Variants in SHROOM4 observed in about 807,000 individuals in gnomAD.
The protein encoded by SHROOM4 is protein Shroom4.
Under a neutral mutation model 80.3 loss-of-function variants are expected in SHROOM4, and 17 were observed. The observed-to-expected ratio is 0.21, with a 90% CI of 0.14 to 0.32. The LOEUF is 0.32. Among genes scored for constraint, SHROOM4 ranks in the 10% least tolerant of loss-of-function variants. SHROOM4 has a pLI of 1.00. For missense variants in SHROOM4, 993 were observed against 1,140.3 expected, an observed-to-expected ratio of 0.87 and a Z score of 1.86; for synonymous variants, 400 against 437.5, an observed-to-expected ratio of 0.91 and a Z score of 1.07.
intron 2 of SHROOM4, among the ~76,000 whole-genome samples, chrX:50,648,747 A>G (rs979350356): frequency 1.8e-5 from 2 of 112,145 alleles, no homozygotes; most frequent in Non-Finnish European, 3.8e-5. Context: ...AAGCACAGGA[A>G]TACCATGAAG....
Position 50,594,298 on chromosome X carries a change from T to C in SHROOM4, c.*2397A>G, listed in dbSNP as rs1053698349. 3.6e-5 allele frequency: 4 copies of C among 112,199 alleles called. No individual in the cohort carries two copies. The highest frequency in any genetic ancestry group is 9.4e-5 in the Admixed American group (1 of 10,633). 9.2% of individuals were successfully genotyped at this position (112,199 alleles called of 1,213,427 possible). ...TGGCACGCCAGTGTCTGTTTAGCAG[T>C]TCACCTTTATCTACCAAGCTTCACT... is the stretch of plus-strand genomic sequence containing the variant. On this transcript the variant is annotated 3_prime_UTR_variant, in exon 9 of 9. Coordinates refer to ENST00000376020, the MANE Select transcript of SHROOM4 (RefSeq NM_020717.5).
intron 5 of SHROOM4, among the ~76,000 whole-genome samples, chrX:50,621,022 T>C (rs992521057): frequency 4.5e-5 from 5 of 111,748 alleles, no homozygotes; most frequent in African/African-American, 1.6e-4. Flanking sequence ...TTTGAATCCA[T>C]CGATCTTGTC....
intron 5 of SHROOM4, among the ~76,000 whole-genome samples, chrX:50,621,960 T>C (rs1307585168): frequency 8.9e-6 from 1 of 112,039 alleles, no homozygotes; most frequent in Non-Finnish European, 1.9e-5. Context: ...TGCTGTATAA[T>C]CCCAGTAGTA....
chrX:50,780,001 T>C (rs1557270487), intron 1 of SHROOM4, among the ~76,000 whole-genome samples: 3 of 111,437 alleles, frequency 2.7e-5, no homozygotes, highest in African/African-American at 9.8e-5. Context: ...AGCATGGTGT[T>C]TGGCGTATCA....
intron 2 of SHROOM4, among the ~76,000 whole-genome samples, chrX:50,655,905 T>G (rs1932291882): frequency 9.0e-6 from 1 of 111,529 alleles, no homozygotes; most frequent in Non-Finnish European, 1.9e-5. Context: ...GGTTCCTTTT[T>G]CTTCACACCC....
intron 2 of SHROOM4, among the ~76,000 whole-genome samples, chrX:50,654,897 C>A (rs1932245702): frequency 9.4e-6 from 1 of 105,960 alleles, no homozygotes; most frequent in Admixed American, 1.1e-4. Context: ...TGGGTACTAA[C>A]CACAGTACCC....
chrX:50,607,472 C>T lies in SHROOM4; in HGVS notation c.3670G>A (p.Gly1224Arg). Residue 1224 changes from glycine to arginine, a missense_variant, in exon 6 of 9, where the codon GGA (glycine) becomes AGA (arginine). Physicochemically the swap from Gly to Arg is moderately radical, Grantham distance 125. Coordinates refer to ENST00000376020, the MANE Select transcript of SHROOM4 (RefSeq NM_020717.5). ...DFLPPIRGHL[G>R]SQPEQAQPPC... ...GGCTGAGCCTGCTCAGGTTGAGATC[C>T]CAAGTGACCCCTTATTGGAGGCAAG... is the stretch of plus-strand genomic sequence containing the variant. 1 of 1,211,382 alleles carries T rather than the reference C, an allele frequency of 8.3e-7. No individual in the cohort carries two copies. The highest frequency in any genetic ancestry group is 3.0e-5 in the East Asian group (1 of 33,801).
Position 50,633,871 on chromosome X carries a change from T to C in SHROOM4, c.2202A>G (p.Ser734=), listed in dbSNP as rs1557254920. 8.3e-7 allele frequency: 1 copy of C among 1,210,572 alleles called. No homozygotes were observed. Residue 734 remains serine (S), a synonymous_variant, in exon 4 of 9, where the codon TCA becomes TCG. Transcript: ENST00000376020. ...GHWRWSPEHN[S]QPLVAAAMEG... ...CCATGGCTGCTGCCACAAGTGGCTG[T>C]GAATTATGCTCTGGAGACCATCTCC...
chrX:50,637,314 C>T (rs1254656691), intron 3 of SHROOM4, among the ~76,000 whole-genome samples: 1 of 112,069 alleles, frequency 8.9e-6, no homozygotes, highest in Non-Finnish European at 1.9e-5. Context: ...TTCTTGCTCC[C>T]TGCCTTGCCC....
chrX:50,612,822 A>T (rs1225622583), intron 5 of SHROOM4, among the ~76,000 whole-genome samples: 1 of 107,902 alleles, frequency 9.3e-6, no homozygotes, highest in Non-Finnish European at 1.9e-5. Flanking sequence ...ATAACAATTC[A>T]ACATCACTTC....
At chrX:50,641,215 G>A (rs1440896497) in intron 2 of SHROOM4, among the ~76,000 whole-genome samples, 1 of 112,173 alleles carries the variant, frequency 8.9e-6, no homozygotes, top group Non-Finnish European at 1.9e-5. Flanking sequence ...ATGTGTGTCA[G>A]TCTCATCTCA....
downstream of SHROOM4, among the ~76,000 whole-genome samples, chrX:50,582,854 G>T (rs1157050665): frequency 1.8e-5 from 2 of 110,581 alleles, no homozygotes; most frequent in Non-Finnish European, 3.8e-5. Context: ...TCTCCCTAAG[G>T]TTATTTAGTG....
At chrX:50,581,818 T>C (rs1557244277), downstream of SHROOM4, among the ~76,000 whole-genome samples, 2 of 111,542 alleles carry the variant, frequency 1.8e-5, no homozygotes, top group African/African-American at 3.3e-5. Context: ...TCCAAGAGGG[T>C]TTGTGTTTAT....
At chrX:50,663,732 C>A (rs887364403) in intron 2 of SHROOM4, among the ~76,000 whole-genome samples, 20 of 111,140 alleles carry the variant, frequency 1.8e-4, no homozygotes, top group African/African-American at 6.5e-4. Flanking sequence ...AAAGCTCCCC[C>A]TCTTGTTTGC....
At chrX:50,729,909 T>C (rs1557266171) in intron 1 of SHROOM4, among the ~76,000 whole-genome samples, 1 of 111,198 alleles carries the variant, frequency 9.0e-6, no homozygotes, top group Non-Finnish European at 1.9e-5. Context: ...CTTTCAAAAA[T>C]GAAGGCAAAA....
intron 2 of SHROOM4, among the ~76,000 whole-genome samples, chrX:50,663,499 T>C (rs1460542456): frequency 9.1e-6 from 1 of 109,786 alleles, no homozygotes; most frequent in African/African-American, 3.3e-5. Flanking sequence ...TTCCACAAAT[T>C]CCAATCTCAT....
At chrX:50,662,455 C>T (rs368972905) in intron 2 of SHROOM4, among the ~76,000 whole-genome samples, 3 of 109,472 alleles carry the variant, frequency 2.7e-5, no homozygotes, top group South Asian at 8.0e-4. Flanking sequence ...GAGTGGAGAT[C>T]GCACCATTGC....
Position 50,753,845 on chromosome X carries a change from C to T in SHROOM4, c.118-57908G>A, listed in dbSNP as rs1482992337. Among the ~76,000 whole-genome samples, 4 of 111,880 alleles carry T rather than the reference C, an allele frequency of 3.6e-5. No homozygotes were observed. In the East Asian group the frequency reaches 1.1e-3, roughly 31 times the overall value. On this transcript the variant is annotated intron_variant, in intron 1 of 8. Transcript: ENST00000376020. ...TGTTTATGAATTTTGTCATACCTAACTCCTAAAGTTTTTCCTTTTGCTTTC... is the reference window on the plus strand; with the variant it reads ...TGTTTATGAATTTTGTCATACCTAATTCCTAAAGTTTTTCCTTTTGCTTTC...
chrX:50,606,225 TC>T (rs1357076372), intron 6 of SHROOM4, among the ~76,000 whole-genome samples: 2 of 87,344 alleles, frequency 2.3e-5, no homozygotes, highest in South Asian at 4.6e-4. Context: ...ATGCTATCCC[TC>T]CCCCCTCCCC....
Sources: gnomAD v4.1 joint callset for allele counts (sites outside exome capture counted in the v4.1 genomes callset) on GRCh38, gnomAD v4.1.1 for gene constraint, MANE v1.5 for transcripts, NCBI Gene and HGNC (gene_info 2026-07-23, HGNC 2026-07-21) for gene names.